The following WDFY3 variants were observed in gnomAD, a reference collection of about 807,000 sequenced individuals.
The protein encoded by WDFY3 is WD repeat and FYVE domain-containing protein 3.
In WDFY3, 66 loss-of-function variants were observed where a neutral mutation model predicts 409.6. The observed-to-expected ratio is 0.16, with a 90% confidence interval of 0.13 to 0.20. The LOEUF (loss-of-function observed/expected upper bound fraction) is 0.20. Among genes scored for constraint, WDFY3 ranks in the 10% least tolerant of loss-of-function variants. WDFY3 has a pLI of 1.00. For synonymous variants in WDFY3, 1,521 were observed against 1,537.1 expected (o/e 0.99, Z 0.25); for missense variants, 3,031 against 4,298.1 (o/e 0.71, Z 8.24).
chr4:84,962,346 A>C (rs1775019634), intron 1 of WDFY3, among the ~76,000 whole-genome samples: 1 of 152,224 alleles, frequency 6.6e-6, no homozygotes, highest in Non-Finnish European at 1.5e-5. Context: ...GACACATGTA[A>C]CAACTTAATA....
chr4:84,928,938 C>G (rs1770372365), intron 2 of WDFY3, among the ~76,000 whole-genome samples: 1 of 152,188 alleles, frequency 6.6e-6, no homozygotes, highest in South Asian at 2.1e-4. Flanking sequence ...GACCCTACCT[C>G]CTGGTATTCA....
chr4:84,833,107 T>C (rs1256401619), intron 7 of WDFY3, among the ~76,000 whole-genome samples: 1 of 152,030 alleles, frequency 6.6e-6, no homozygotes, highest in Non-Finnish European at 1.5e-5. Context: ...TGAGAACTTA[T>C]TCTTTAACTG....
intron 5 of WDFY3, among the ~76,000 whole-genome samples, chr4:84,845,520 G>A (rs1248504641): frequency 6.6e-6 from 1 of 152,064 alleles, no homozygotes; most frequent in Non-Finnish European, 1.5e-5. Context: ...GGTATGTATA[G>A]TTAACAGTCT....
intron 3 of WDFY3, among the ~76,000 whole-genome samples, chr4:84,874,128 C>CA (rs1239109082): frequency 6.6e-6 from 1 of 151,514 alleles, no homozygotes; most frequent in Non-Finnish European, 1.5e-5. Context: ...ATAAACCAAG[C>CA]AGAGACCGGG....
intron 53 of WDFY3, among the ~76,000 whole-genome samples, chr4:84,706,935 CTTCT>C (rs1206300405): frequency 2.7e-5 from 4 of 148,302 alleles, no homozygotes; most frequent in African/African-American, 1.0e-4. Flanking sequence ...TTTATTTTTA[CTTCT>C]TTTTTTTTTT....
chr4:84,932,991 G>C (rs1028391448), intron 1 of WDFY3, among the ~76,000 whole-genome samples: 1 of 151,936 alleles, frequency 6.6e-6, no homozygotes, highest in Non-Finnish European at 1.5e-5. Context: ...AGTTTCTTAG[G>C]CCTCTAGTAA....
Position 84,810,333 on chromosome 4 carries a change from C to A in WDFY3, c.1899G>T (p.Ser633=). The change falls in exon 14 of 68, where the codon TCG becomes TCT. Residue 633 remains serine (S), a synonymous_variant. Transcript: ENST00000295888. The stretch of plus-strand genomic sequence containing the variant: ...TTGAACGATGGCTTTCTCGAAGGAC[C>A]GACAGGAGGGCCTACAGGAGACAAA... ...LKTDILRALL[S]VLRESHRSRT... is the part of the protein sequence containing the mutation. The A allele has an allele frequency of 1.3e-6, 2 of 1,598,124 alleles. No homozygotes were observed. The highest frequency in any genetic ancestry group is 1.7e-6 in the Non-Finnish European group (2 of 1,173,036).
At chr4:84,881,760 C>T (rs762258049) in intron 3 of WDFY3, among the ~76,000 whole-genome samples, 6 of 151,716 alleles carry the variant, frequency 4.0e-5, no homozygotes, top group Non-Finnish European at 8.8e-5. Flanking sequence ...TGTTGTTGTA[C>T]ATCTGAGGTC....
chr4:84,841,792 T>C (rs995269229), intron 5 of WDFY3, among the ~76,000 whole-genome samples: 2 of 152,190 alleles, frequency 1.3e-5, no homozygotes, highest in Non-Finnish European at 2.9e-5. Context: ...ACTGGCTGTA[T>C]TTGATTTTCT....
At chr4:84,783,436 GC>G (rs1267706212) in intron 24 of WDFY3, among the ~76,000 whole-genome samples, 2 of 152,162 alleles carry the variant, frequency 1.3e-5, no homozygotes, top group Non-Finnish European at 2.9e-5. Flanking sequence ...CGGAGATTGT[GC>G]CACTGGCACT....
chr4:84,801,712 G>C lies in WDFY3; in HGVS notation c.2760C>G (p.His920Gln). 1 of 1,612,674 alleles carries C rather than the reference G, an allele frequency of 6.2e-7. No homozygotes were observed. The highest frequency in any genetic ancestry group is 1.1e-5 in the South Asian group (1 of 91,022). The change falls in exon 17 of 68, where the codon CAC (histidine) becomes CAG (glutamine). Residue 920 changes from histidine (H) to glutamine (Q), a missense_variant. This residue lies in a region of WDFY3 where 1,322 missense variants were observed against 1,697.9 expected (regional missense o/e 0.78). Coordinates refer to ENST00000295888, the MANE Select transcript of WDFY3 (RefSeq NM_014991.6). The part of the protein sequence containing the change: ...AALADEDHSL[H>Q]PPLQRMFERL... ...GTTCAAACATCCGCTGCAGGGGCGG[G>C]TGCAGTGAGTGGTCCTCATCAGCCA...
At chr4:84,802,414 C>T (rs1019463942) in intron 16 of WDFY3, among the ~76,000 whole-genome samples, 2 of 151,924 alleles carry the variant, frequency 1.3e-5, no homozygotes, top group Non-Finnish European at 2.9e-5. Context: ...TGCCTGCCAC[C>T]ATGCCAGGCT....
chr4:84,772,437 G>C (rs1038190740), intron 30 of WDFY3, among the ~76,000 whole-genome samples: 1 of 151,908 alleles, frequency 6.6e-6, no homozygotes, highest in Non-Finnish European at 1.5e-5. Flanking sequence ...TATTTAACAG[G>C]GAAGTGAAAA....
At chr4:84,881,404 TA>T (rs1393138155) in intron 3 of WDFY3, among the ~76,000 whole-genome samples, 1 of 152,106 alleles carries the variant, frequency 6.6e-6, no homozygotes, top group Non-Finnish European at 1.5e-5. Flanking sequence ...TTTCTGAAAG[TA>T]CTTTGCAAGA....
At chr4:84,834,371 G>A (rs1428327597) in intron 7 of WDFY3, among the ~76,000 whole-genome samples, 2 of 152,066 alleles carry the variant, frequency 1.3e-5, no homozygotes, top group African/African-American at 4.8e-5. Flanking sequence ...TCCTGGCTGG[G>A]TGTGGTGGCT....
intron 61 of WDFY3, among the ~76,000 whole-genome samples, chr4:84,689,264 A>G (rs1204724622): frequency 1.3e-5 from 2 of 152,156 alleles, no homozygotes; most frequent in Non-Finnish European, 2.9e-5. Context: ...AAGTATATAT[A>G]TGTGTGTGTG....
At chr4:84,727,956 T>C (rs1349695174) in intron 44 of WDFY3, among the ~76,000 whole-genome samples, 1 of 152,086 alleles carries the variant, frequency 6.6e-6, no homozygotes, top group Non-Finnish European at 1.5e-5. Flanking sequence ...AAGTATAATG[T>C]ATATATTTGT....
At chr4:84,769,420 T>C (rs960085292) in intron 30 of WDFY3, among the ~76,000 whole-genome samples, 1 of 152,112 alleles carries the variant, frequency 6.6e-6, no homozygotes, top group Non-Finnish European at 1.5e-5. Flanking sequence ...ATTATTATTA[T>C]TATTATTTTT....
In WDFY3 at chr4:84,679,116, C is replaced by T. The variant is rs548501251; in HGVS notation, c.9950G>A (p.Arg3317His). ...TSHRPRAASC[R>H]ATAAWCTDSG... Reference sequence around the variant, plus strand: ...GTCAGTACACCAGGCGGCTGTTGCGCGGCAGGAGGCTGCCCGGGGCCTGTG... The same window carrying T: ...GTCAGTACACCAGGCGGCTGTTGCGTGGCAGGAGGCTGCCCGGGGCCTGTG... Residue 3317 changes from arginine (R) to histidine (H), a missense_variant, in exon 65 of 68, where the codon CGC becomes CAC. Physicochemically the swap from Arg to His is conservative, Grantham distance 29. Around this residue, in one of 16 missense-constraint regions of WDFY3, gnomAD observed 378 missense variants for 477.3 expected, o/e 0.79. Coordinates refer to ENST00000295888, the MANE Select transcript of WDFY3 (RefSeq NM_014991.6). The T allele has an allele frequency of 2.7e-5, 43 of 1,614,168 alleles. 1 individual carries two copies. Among genetic ancestry groups the T allele is most frequent in the Admixed American group, 5.0e-5 (3 of 60,024 alleles).
Sources: allele counts gnomAD v4.1 joint callset (sites outside exome capture counted in the v4.1 genomes callset), GRCh38; gene constraint gnomAD v4.1.1; regional missense constraint gnomAD v4.1.1; transcripts MANE v1.5; gene names NCBI Gene and HGNC (gene_info 2026-07-23, HGNC 2026-07-21).